Variants in TBC1D5 observed in about 807,000 individuals in gnomAD.
TBC1D5 encodes TBC1 domain family, member 5.
TBC1D5 carries 75 observed loss-of-function variants against 100.3 expected under a neutral mutation model. The ratio of observed to expected loss-of-function variants is 0.75; its 90% confidence interval spans 0.62 to 0.91. TBC1D5 has a LOEUF of 0.91. TBC1D5 is among the 40% of genes least tolerant of loss of function. TBC1D5 has a pLI of 0.00. For missense variants in TBC1D5, 910 were observed against 942.4 expected (o/e 0.97, Z 0.45); for synonymous variants, 323 against 325.6 (o/e 0.99, Z 0.09).
At chr3:17,384,047 C>G in intron 8 of TBC1D5, 32 bp from the exon 9 acceptor site, 1 of 1,520,574 alleles carries the variant, frequency 6.6e-7, no homozygotes, top group Non-Finnish European at 9.0e-7. Flanking sequence ...TTGAAACTGA[C>G]TAACACAGTT....
At chr3:17,704,574 G>A (rs1303020671) in intron 1 of TBC1D5, among the ~76,000 whole-genome samples, 6 of 79,918 alleles carry the variant, frequency 7.5e-5, no homozygotes, top group Non-Finnish European at 1.0e-4. Context: ...CCTCCCTCCC[G>A]GACGGGGCGG....
At chr3:17,696,252 G>C (rs1207709508) in intron 1 of TBC1D5, among the ~76,000 whole-genome samples, 2 of 151,990 alleles carry the variant, frequency 1.3e-5, no homozygotes, top group Non-Finnish European at 2.9e-5. Flanking sequence ...TAAGATCAGA[G>C]CAGAACTGAA....
At chr3:17,656,703 T>G (rs1054111981) in intron 1 of TBC1D5, among the ~76,000 whole-genome samples, 2 of 152,194 alleles carry the variant, frequency 1.3e-5, no homozygotes, top group African/African-American at 4.8e-5. Context: ...TTCCAGTGTA[T>G]GTCAAATACT....
At chr3:17,337,231 A>G (rs6784697) in intron 13 of TBC1D5, among the ~76,000 whole-genome samples, 13,468 of 150,986 alleles carry the variant, frequency 0.089, 1,375 homozygotes, top group African/African-American at 0.25. Context: ...TGAGCTCCCA[A>G]GGGATTCTAA....
chr3:17,294,429 G>A (rs1450555420), intron 14 of TBC1D5, among the ~76,000 whole-genome samples: 3 of 152,086 alleles, frequency 2.0e-5, no homozygotes, highest in Non-Finnish European at 4.4e-5. Flanking sequence ...TTGCTATGTT[G>A]CCAGGCTGGT....
At chr3:17,740,036 C>T (rs1220096550) in exon 1 of TBC1D5, 1 of 151,530 alleles carries the variant, frequency 6.6e-6, no homozygotes, top group Non-Finnish European at 1.5e-5. Flanking sequence ...AAAGGTAGGC[C>T]GAGCACAGTG....
At chr3:17,313,282 T>C (rs998066451) in intron 13 of TBC1D5, among the ~76,000 whole-genome samples, 9 of 152,176 alleles carry the variant, frequency 5.9e-5, no homozygotes, top group Non-Finnish European at 1.2e-4. Flanking sequence ...GAAAATTACT[T>C]AGAAGCCACT....
intron 2 of TBC1D5, among the ~76,000 whole-genome samples, chr3:17,546,500 A>G (rs1212923690): frequency 6.6e-6 from 1 of 152,116 alleles, no homozygotes; most frequent in Admixed American, 6.5e-5. Flanking sequence ...ACGGTGGCTC[A>G]CATCTGTAAT....
chr3:17,653,845 G>A (rs960253114), intron 1 of TBC1D5, among the ~76,000 whole-genome samples: 2 of 152,000 alleles, frequency 1.3e-5, no homozygotes, highest in African/African-American at 4.8e-5. Flanking sequence ...GGGAAGGAAG[G>A]ATGGGAGAAT....
chr3:17,684,063 G>A (rs1177448310), intron 1 of TBC1D5, among the ~76,000 whole-genome samples: 2 of 151,922 alleles, frequency 1.3e-5, no homozygotes, highest in Non-Finnish European at 2.9e-5. Context: ...ATTCAATACT[G>A]GAGAAGGAAG....
At chr3:17,605,217 G>T (rs922885783) in intron 2 of TBC1D5, among the ~76,000 whole-genome samples, 11 of 151,482 alleles carry the variant, frequency 7.3e-5, no homozygotes, top group Non-Finnish European at 1.6e-4. Context: ...CATCAACATG[G>T]TTTTTTTTTA....
intron 15 of TBC1D5, among the ~76,000 whole-genome samples, chr3:17,259,166 G>T (rs542114948): frequency 2.6e-5 from 4 of 152,140 alleles, no homozygotes; most frequent in African/African-American, 9.7e-5. Context: ...CCAGGTAGTA[G>T]AAATATTACC....
chr3:17,718,553 C>T (rs1262926613), intron 1 of TBC1D5, among the ~76,000 whole-genome samples: 2 of 152,044 alleles, frequency 1.3e-5, no homozygotes, highest in African/African-American at 2.4e-5. Flanking sequence ...GCCGAGATCG[C>T]GCCACTGCAC....
chr3:17,226,704 C>G (rs2074941300), intron 17 of TBC1D5, among the ~76,000 whole-genome samples: 1 of 152,168 alleles, frequency 6.6e-6, no homozygotes, highest in African/African-American at 2.4e-5. Context: ...TAGCTCTCTC[C>G]CTGCCAGTGT....
At chr3:17,464,761 G>T (rs4075644) in intron 3 of TBC1D5, among the ~76,000 whole-genome samples, 3,402 of 151,906 alleles carry the variant, frequency 0.022, 120 homozygotes, top group African/African-American at 0.077. Flanking sequence ...AATATTATGT[G>T]ATTCTTTCTG....
chr3:17,264,168 A>G (rs1320628558), intron 15 of TBC1D5, among the ~76,000 whole-genome samples: 1 of 152,114 alleles, frequency 6.6e-6, no homozygotes, highest in Non-Finnish European at 1.5e-5. Flanking sequence ...TAGTATAAAA[A>G]TATTTAAATG....
intron 3 of TBC1D5, among the ~76,000 whole-genome samples, chr3:17,486,629 G>C (rs866909732): frequency 1.3e-5 from 2 of 152,168 alleles, no homozygotes; most frequent in Non-Finnish European, 2.9e-5. Flanking sequence ...AACTTTTGCA[G>C]ATCTCTGAAA....
At chr3:17,392,697 T>A (rs1483710779) in intron 8 of TBC1D5, among the ~76,000 whole-genome samples, 1 of 152,138 alleles carries the variant, frequency 6.6e-6, no homozygotes, top group Admixed American at 6.6e-5. Flanking sequence ...CATGAACTCA[T>A]CCTTTTTTAT....
chr3:17,503,394 A>G (rs9820052), intron 3 of TBC1D5, among the ~76,000 whole-genome samples: 3,243 of 149,346 alleles, frequency 0.022, 456 homozygotes, highest in African/African-American at 0.077. Flanking sequence ...AGCACTTACT[A>G]TTCTGTGTTT....
Sources: allele counts gnomAD v4.1 joint callset (sites outside exome capture counted in the v4.1 genomes callset), GRCh38; gene constraint gnomAD v4.1.1; transcripts MANE v1.5; gene names NCBI Gene and HGNC (gene_info 2026-07-23, HGNC 2026-07-21).